The following TIAM2 variants were observed in gnomAD, a reference collection of about 807,000 sequenced individuals.
The protein encoded by TIAM2 is rho guanine nucleotide exchange factor TIAM2.
In TIAM2, 80 loss-of-function variants were observed where a neutral mutation model predicts 152.9. The observed-to-expected ratio is 0.52, with a 90% CI of 0.44 to 0.63. The LOEUF (loss-of-function observed/expected upper bound fraction) is 0.63. Among genes scored for constraint, TIAM2 ranks in the 30% least tolerant of loss-of-function variants. The probability of loss-of-function intolerance (pLI) is 0.00; values close to 1 mark genes in which losing one functional copy is unlikely to be tolerated. For missense variants in TIAM2, 1,965 were observed against 2,120.1 expected (o/e 0.93, Z 1.44); for synonymous variants, 804 against 838.0 (o/e 0.96, Z 0.70).
At chr6:155,158,917 C>G (rs1385733) in intron 7 of TIAM2, among the ~76,000 whole-genome samples, 71,498 of 151,720 alleles carry the variant, frequency 0.47, 17,336 homozygotes, top group Middle Eastern at 0.55. Context: ...TTTAGGCATT[C>G]TAGTTTTTGA....
chr6:155,152,690 G>A (rs1316034029), intron 7 of TIAM2, among the ~76,000 whole-genome samples: 2 of 152,030 alleles, frequency 1.3e-5, no homozygotes, highest in Non-Finnish European at 2.9e-5. Context: ...GACCATAATC[G>A]TAGTCGAAGG....
Position 155,257,207 on chromosome 6 carries a change from A to C in TIAM2, c.*86A>C, listed in dbSNP as rs554612958. On this transcript the variant is annotated 3_prime_UTR_variant, in exon 27 of 27. Transcript: ENST00000682666. ...GGAAATTGCAAAAAAAAAAAAAAAAAAAAACTGTTCATTCCTGGGTTTTGT... is the reference window on the plus strand; with the variant it reads ...GGAAATTGCAAAAAAAAAAAAAAAACAAAACTGTTCATTCCTGGGTTTTGT... The C allele has an allele frequency of 1.5e-4, 203 of 1,386,476 alleles. 2 individuals are homozygous for C. Among genetic ancestry groups the C allele is most frequent in the Non-Finnish European group, 1.7e-4 (176 of 1,017,868 alleles). 85.9% of individuals were successfully genotyped at this position (1,386,476 alleles called of 1,614,324 possible).
chr6:155,252,886 C>A, intron 23 of TIAM2, 62 bp from the exon 24 acceptor site: 1 of 1,440,702 alleles, frequency 6.9e-7, no homozygotes, highest in Non-Finnish European at 9.8e-7. Flanking sequence ...ATTCACTGTG[C>A]ACACATCCTC....
At chr6:155,184,381 G>A (rs567744139) in intron 14 of TIAM2, among the ~76,000 whole-genome samples, 4 of 152,184 alleles carry the variant, frequency 2.6e-5, no homozygotes, top group Non-Finnish European at 5.9e-5. Context: ...GTTTTCTCAC[G>A]GTAAGACTTC....
intron 7 of TIAM2, among the ~76,000 whole-genome samples, chr6:155,149,705 C>G (rs2115067935): frequency 6.6e-6 from 1 of 152,124 alleles, no homozygotes; most frequent in East Asian, 1.9e-4. Context: ...GGCAGATCAC[C>G]TGAGGTCAGG....
intron 1 of TIAM2, among the ~76,000 whole-genome samples, chr6:155,074,841 G>GACAACT (rs1777917605): frequency 7.3e-6 from 1 of 136,332 alleles, no homozygotes; most frequent in Non-Finnish European, 1.5e-5. Context: ...AGCCTGGGTG[G>GACAACT]AGACTCTGTC....
At chr6:155,151,838 T>C (rs1779976839) in intron 7 of TIAM2, among the ~76,000 whole-genome samples, 1 of 103,666 alleles carries the variant, frequency 9.6e-6, no homozygotes, top group Non-Finnish European at 2.2e-5. Context: ...CTTTTTTTTT[T>C]CTTTTTTTTT....
intron 15 of TIAM2, among the ~76,000 whole-genome samples, chr6:155,236,362 T>C (rs1226355242): frequency 1.3e-5 from 2 of 151,876 alleles, no homozygotes; most frequent in African/African-American, 4.8e-5. Context: ...GGGGAGTTTT[T>C]TTAAGAAACA....
intron 16 of TIAM2, among the ~76,000 whole-genome samples, chr6:155,242,796 C>T (rs1210034269): frequency 6.6e-6 from 1 of 152,108 alleles, no homozygotes; most frequent in African/African-American, 2.4e-5. Context: ...AGTGCAGTGG[C>T]ATGATCTTGG....
intron 4 of TIAM2, among the ~76,000 whole-genome samples, chr6:155,131,473 G>C (rs1342447369): frequency 5.9e-5 from 9 of 151,676 alleles, no homozygotes; most frequent in Admixed American, 5.9e-4. Flanking sequence ...ATTTTTGGTT[G>C]AATAGGCTTG....
rs1240471628 is a variant in TIAM2, at chr6:155,240,559, G to T, written c.3198G>T (p.Arg1066Ser). The change falls in exon 16 of 27, where the codon AGG (arginine) becomes AGT (serine). Residue 1066 changes from arginine to serine, a missense_variant. This residue lies in a region of TIAM2 where 935 missense variants were observed against 980.0 expected (regional missense o/e 0.95). Coordinates refer to ENST00000682666, the MANE Select transcript of TIAM2 (RefSeq NM_012454.4). The stretch of plus-strand genomic sequence containing the variant: ...CTGAGCAGATCACTGCACTGTGCAG[G>T]AGTTTTAACGACAGTCAGGCCAACG... ...RSAEQITALCRSFNDSQANGM... is the reference protein window; with the variant it reads ...RSAEQITALCSSFNDSQANGM... 1.2e-6 allele frequency: 2 copies of T among 1,614,068 alleles called. No individual in the cohort carries two copies. Among genetic ancestry groups the T allele is most frequent in the Admixed American group, 1.7e-5 (1 of 60,032 alleles).
chr6:155,041,812 C>T (rs973545624), intron 1 of TIAM2, among the ~76,000 whole-genome samples: 4 of 152,104 alleles, frequency 2.6e-5, no homozygotes, highest in African/African-American at 9.7e-5. Context: ...GTTGCCAGTG[C>T]GATGTAGACC....
intron 2 of TIAM2, among the ~76,000 whole-genome samples, chr6:155,113,117 C>T (rs1778898243): frequency 6.6e-6 from 1 of 152,148 alleles, no homozygotes; most frequent in Admixed American, 6.5e-5. Context: ...AACTGTCCCT[C>T]AAGGCTGCCT....
chr6:155,026,593 G>A (rs537267477), intron 1 of TIAM2, among the ~76,000 whole-genome samples: 5 of 152,344 alleles, frequency 3.3e-5, no homozygotes, highest in African/African-American at 1.2e-4. Context: ...CATCCCAGTG[G>A]GGACTGGCAG....
intron 2 of TIAM2, among the ~76,000 whole-genome samples, chr6:155,093,838 C>T (rs1778354009): frequency 6.6e-6 from 1 of 152,146 alleles, no homozygotes; most frequent in Non-Finnish European, 1.5e-5. Flanking sequence ...TTTCCTAGGC[C>T]AAGTTGGTTG....
At position 155,142,303 on chromosome 6, in the gene TIAM2, G is replaced by A. The variant is rs1779729389; in HGVS notation, c.1631-2303G>A. Among the ~76,000 whole-genome samples the A allele has an allele frequency of 2.0e-5, 3 of 152,074 alleles. No homozygotes were observed. The South Asian group carries it at 6.2e-4, about 32-fold the overall frequency. On this transcript the variant is annotated intron_variant, in intron 5 of 26. Transcript: ENST00000682666. ...GCCTATTGTTTTACTTCCTGGCCTG[G>A]CTCTAATGTGAAATGTCCTGTTTTG...
intron 1 of TIAM2, among the ~76,000 whole-genome samples, chr6:155,066,766 G>T (rs6920631): frequency 0.36 from 53,910 of 151,412 alleles, 10,383 homozygotes; most frequent in Middle Eastern, 0.47. Context: ...TTGTTTGTTT[G>T]TTTTTTTGAG....
intron 7 of TIAM2, among the ~76,000 whole-genome samples, chr6:155,161,138 G>C (rs1780257560): frequency 6.6e-6 from 1 of 152,100 alleles, no homozygotes; most frequent in African/African-American, 2.4e-5. Context: ...GATTATTAAA[G>C]TGTTTCTGAT....
chr6:155,199,179 G>A (rs925731235), intron 14 of TIAM2, among the ~76,000 whole-genome samples: 1 of 151,906 alleles, frequency 6.6e-6, no homozygotes, highest in African/African-American at 2.4e-5. Context: ...AGGTTCAAGC[G>A]ATTCTCCTGC....
Sources: allele counts gnomAD v4.1 joint callset (sites outside exome capture counted in the v4.1 genomes callset), GRCh38; gene constraint gnomAD v4.1.1; regional missense constraint gnomAD v4.1.1; transcripts MANE v1.5; gene names NCBI Gene and HGNC (gene_info 2026-07-23, HGNC 2026-07-21).